The following CREB5 variants were observed in gnomAD, a reference collection of about 807,000 sequenced individuals.
CREB5 encodes cyclic AMP-responsive element-binding protein 5.
CREB5 carries 19 observed loss-of-function variants against 57.1 expected under a neutral mutation model. That is an observed-to-expected ratio of 0.33 (90% CI 0.23 to 0.49). The LOEUF (loss-of-function observed/expected upper bound fraction) is 0.49, where lower values mean the gene tolerates loss of function less well. Among genes scored for constraint, CREB5 ranks in the 20% least tolerant of loss-of-function variants. CREB5 has a pLI of 0.99. For missense variants in CREB5, 579 were observed against 671.6 expected (o/e 0.86, Z 1.52); for synonymous variants, 238 against 238.3 (o/e 1.00, Z 0.01).
At position 28,819,204 on chromosome 7, in the gene CREB5, G is replaced by T; in HGVS notation, c.1452G>T (p.Ser484=). The T allele has an allele frequency of 6.2e-7, 1 of 1,613,688 alleles. No homozygotes were observed. ...ATAATACCATCACTACTTCCTCATC[G>T]GTCAGCGAGGTGGTAGGAAGCTCCA... ...IQHNTITTSS[S]VSEVVGSSTL... is the part of the protein sequence containing the mutation. Residue 484 remains serine, a synonymous_variant, in exon 11 of 11, where the codon TCG becomes TCT. Coordinates refer to ENST00000357727, the MANE Select transcript of CREB5 (RefSeq NM_182898.4).
At chr7:28,552,307 G>A (rs568825704) in intron 4 of CREB5, among the ~76,000 whole-genome samples, 19 of 152,310 alleles carry the variant, frequency 1.2e-4, no homozygotes, top group Admixed American at 4.6e-4. Context: ...AAAAGTGCTG[G>A]AATTACAGGC....
At chr7:28,577,122 C>T (rs970126575) in intron 5 of CREB5, among the ~76,000 whole-genome samples, 1 of 152,202 alleles carries the variant, frequency 6.6e-6, no homozygotes, top group Non-Finnish European at 1.5e-5. Flanking sequence ...CCATTTAAAA[C>T]ATTTGCCACC....
intron 3 of CREB5, among the ~76,000 whole-genome samples, chr7:28,505,295 G>A (rs1792438670): frequency 6.6e-6 from 1 of 152,102 alleles, no homozygotes; most frequent in African/African-American, 2.4e-5. Context: ...TTTCTATTCA[G>A]AAAACTCCTT....
At chr7:28,724,488 T>A (rs1328272888) in intron 7 of CREB5, 156 bp downstream of exon 7, 2 of 629,680 alleles carry the variant, frequency 3.2e-6, no homozygotes, top group Non-Finnish European at 5.6e-6. Flanking sequence ...TTTGAGGATG[T>A]TTGTTACAGA....
chr7:28,580,675 T>C lies in CREB5; in HGVS notation c.464+10138T>C, dbSNP rs190239719. ...CTGAAGCCACAGACAAACAGCCTTA[T>C]ATTGGGGCCACTGCATTCCATAATT... On this transcript the variant is annotated intron_variant, in intron 5 of 10. Transcript: ENST00000357727. 1.1e-3 allele frequency among the ~76,000 whole-genome samples: 171 copies of C among 151,936 alleles called. 1 individual carries two copies. Among genetic ancestry groups the C allele is most frequent in the African/African-American group, 3.8e-3 (159 of 41,452 alleles).
At chr7:28,339,100 G>A (rs551538029) in intron 1 of CREB5, among the ~76,000 whole-genome samples, 9 of 152,014 alleles carry the variant, frequency 5.9e-5, no homozygotes, top group Non-Finnish European at 1.2e-4. Context: ...ACATATCTTT[G>A]TCTCTTCAGG....
intron 7 of CREB5, among the ~76,000 whole-genome samples, chr7:28,786,413 A>AT (rs1038042203): frequency 6.6e-6 from 1 of 151,956 alleles, no homozygotes; most frequent in Admixed American, 6.6e-5. Flanking sequence ...CACCTGGCTG[A>AT]TTTTTTGGTA....
Position 28,636,211 on chromosome 7 carries a change from A to G in CREB5, c.464+65674A>G, listed in dbSNP as rs148508815. On this transcript the variant is annotated intron_variant, in intron 5 of 10. Coordinates refer to ENST00000357727, the MANE Select transcript of CREB5 (RefSeq NM_182898.4). ...AGGGCAGGATCACACAGCTATGGCC[A>G]GAAGCCAGAGTGTGCTGCTTGCCCA... Among the ~76,000 whole-genome samples the G allele has an allele frequency of 4.3e-3, 655 of 152,326 alleles. 3 individuals are homozygous for G. The highest frequency in any genetic ancestry group is 0.015 in the African/African-American group (618 of 41,578).
intron 6 of CREB5, among the ~76,000 whole-genome samples, chr7:28,723,362 T>C (rs180968440): frequency 1.3e-5 from 2 of 152,360 alleles, no homozygotes; most frequent in Admixed American, 1.3e-4. Context: ...CGCTTCTTAG[T>C]ACGAGCACCC....
intron 4 of CREB5, among the ~76,000 whole-genome samples, chr7:28,533,804 C>T (rs1399064314): frequency 6.6e-6 from 1 of 152,194 alleles, no homozygotes; most frequent in Admixed American, 6.5e-5. Flanking sequence ...CAAGTCAGAG[C>T]TCTTGAGGGG....
At chr7:28,741,169 G>A (rs73077847) in intron 7 of CREB5, among the ~76,000 whole-genome samples, 17,899 of 152,046 alleles carry the variant, frequency 0.12, 1,204 homozygotes, top group Middle Eastern at 0.16. Context: ...ACAGGCCTCC[G>A]TGCGCACTCA....
chr7:28,399,836 A>G (rs894080278), intron 1 of CREB5, among the ~76,000 whole-genome samples: 11 of 151,830 alleles, frequency 7.2e-5, no homozygotes, highest in Non-Finnish European at 1.3e-4. Context: ...GGGTTGATCA[A>G]TTGAGGTCAG....
chr7:28,386,352 TGTCATTACA>T (rs1787103865), intron 1 of CREB5, among the ~76,000 whole-genome samples: 1 of 152,212 alleles, frequency 6.6e-6, no homozygotes, highest in Non-Finnish European at 1.5e-5. Flanking sequence ...GTAGACTTCA[TGTCATTACA>T]GTCTGGCTTT....
rs34297212 is a variant in CREB5, at chr7:28,443,903, T to C, written c.3+30986T>C. 3.8e-3 allele frequency among the ~76,000 whole-genome samples: 581 copies of C among 152,312 alleles called. 3 individuals are homozygous for C. Among genetic ancestry groups the C allele is most frequent in the African/African-American group, 0.012 (508 of 41,566 alleles). On this transcript the variant is annotated intron_variant, in intron 1 of 10. Coordinates refer to ENST00000357727, the MANE Select transcript of CREB5 (RefSeq NM_182898.4). ...TGCCATAGGTCATTTACCTGAGATG[T>C]GGAAGCGGTATTGGTAGATCCTGAT...
At chr7:28,460,548 A>G (rs1790308514) in intron 1 of CREB5, among the ~76,000 whole-genome samples, 1 of 152,164 alleles carries the variant, frequency 6.6e-6, no homozygotes, top group African/African-American at 2.4e-5. Context: ...TTGCCTTCCA[A>G]TGGCTTTCAG....
intron 4 of CREB5, among the ~76,000 whole-genome samples, chr7:28,517,805 C>T (rs1428771247): frequency 6.6e-6 from 1 of 151,918 alleles, no homozygotes; most frequent in African/African-American, 2.4e-5. Context: ...TTTGTTAGAA[C>T]TTGTGACTCT....
chr7:28,799,660 T>C (rs759964173), intron 7 of CREB5, among the ~76,000 whole-genome samples: 2 of 152,242 alleles, frequency 1.3e-5, no homozygotes, highest in Admixed American at 6.5e-5. Flanking sequence ...CACTCCTACA[T>C]AGATTTTTTT....
intron 4 of CREB5, among the ~76,000 whole-genome samples, chr7:28,539,963 G>A (rs1179003366): frequency 6.6e-6 from 1 of 152,202 alleles, no homozygotes; most frequent in African/African-American, 2.4e-5. Context: ...AAATTGTTAT[G>A]GCTGTTTCCA....
rs1217883319 is a variant in CREB5, at chr7:28,825,417, A to G, written c.*6138A>G. The G allele has an allele frequency of 6.6e-6, 1 of 152,558 alleles. No homozygotes were observed. Among genetic ancestry groups the G allele is most frequent in the East Asian group, 1.9e-4 (1 of 5,204 alleles). 9.5% of individuals were successfully genotyped at this position (152,558 alleles called of 1,614,324 possible). On this transcript the variant is annotated 3_prime_UTR_variant, in exon 11 of 11. Transcript: ENST00000357727. ...TGGGATCCTCTGAAAAGGCCCAGAAAAATAGCTCAGTTCAAATACAATGTT... is the reference window on the plus strand; with the variant it reads ...TGGGATCCTCTGAAAAGGCCCAGAAGAATAGCTCAGTTCAAATACAATGTT...
Sources: allele counts gnomAD v4.1 joint callset (sites outside exome capture counted in the v4.1 genomes callset), GRCh38; gene constraint gnomAD v4.1.1; transcripts MANE v1.5; gene names NCBI Gene and HGNC (gene_info 2026-07-23, HGNC 2026-07-21).